DYNC2H1: variants seen among roughly 807,000 people sequenced by gnomAD.
DYNC2H1 encodes dynein cytoplasmic 2 heavy chain 1, also known as cytoplasmic dynein 2 heavy chain 1.
Under a neutral mutation model 570.0 loss-of-function variants are expected in DYNC2H1, and 410 were observed. The ratio of observed to expected loss-of-function variants is 0.72; its 90% confidence interval spans 0.66 to 0.78. The LOEUF (loss-of-function observed/expected upper bound fraction) is 0.78, where lower values mean the gene tolerates loss of function less well. DYNC2H1 is among the 30% of genes least tolerant of loss of function. DYNC2H1 has a pLI of 0.00. For missense variants in DYNC2H1, 4,865 were observed against 5,046.4 expected (o/e 0.96, Z 1.09); for synonymous variants, 1,688 against 1,677.6 (o/e 1.01, Z -0.15).
intron 84 of DYNC2H1, chr11:103,403,312 AGGGG>A (rs1565567231): frequency 1.3e-5 from 2 of 152,148 alleles, no homozygotes; most frequent in African/African-American, 4.8e-5. Context: ...TTTTTTGTGT[AGGGG>A]GTGTGTAATA....
At chr11:103,115,115 T>G (rs954060368) in intron 3 of DYNC2H1, 62 bp from the exon 4 acceptor site, 2 of 1,267,222 alleles carry the variant, frequency 1.6e-6, no homozygotes, top group Non-Finnish European at 2.2e-6. Context: ...CTCTGCTGTT[T>G]TGTATTCATT....
At chr11:103,130,066 CA>C (rs1345424972) in intron 13 of DYNC2H1, among the ~76,000 whole-genome samples, 1 of 152,162 alleles carries the variant, frequency 6.6e-6, no homozygotes, top group Non-Finnish European at 1.5e-5. Context: ...AGTCTTCTCC[CA>C]GTGGAATCAC....
intron 74 of DYNC2H1, among the ~76,000 whole-genome samples, chr11:103,286,996 A>T (rs1206231497): frequency 3.9e-5 from 6 of 152,222 alleles, no homozygotes; most frequent in Non-Finnish European, 1.5e-5. Flanking sequence ...AACATCTAGG[A>T]ATATCATAGA....
intron 22 of DYNC2H1, among the ~76,000 whole-genome samples, chr11:103,153,996 A>G (rs906584567): frequency 2.6e-5 from 4 of 151,858 alleles, no homozygotes; most frequent in African/African-American, 9.7e-5. Context: ...GAGTGAGTCA[A>G]TTTTGTTACC....
chr11:103,345,429 A>G (rs1365936360), intron 82 of DYNC2H1, among the ~76,000 whole-genome samples: 7 of 152,202 alleles, frequency 4.6e-5, no homozygotes, highest in South Asian at 2.1e-4. Context: ...CTAATTCACT[A>G]TTGTGCGAAC....
rs764785064 is a variant in DYNC2H1, at chr11:103,307,730, A to G, written c.11392A>G (p.Thr3798Ala). 3 of 1,579,484 alleles carry G rather than the reference A, an allele frequency of 1.9e-6. No homozygotes were observed. The highest frequency in any genetic ancestry group is 2.4e-5 in the South Asian group (2 of 83,778). The change falls in exon 78 of 89, where the codon ACT (threonine) becomes GCT (alanine). Residue 3798 changes from threonine (T) to alanine (A), a missense_variant. By Grantham distance (58) the Thr-to-Ala change is moderately conservative. This residue lies in a region of DYNC2H1 where 2,401 missense variants were observed against 2,454.6 expected (regional missense o/e 0.98). Transcript: ENST00000375735. ...WLPVLEKELN[T>A]LQPKDTFRLW... ...TGGTTTTGTAAACAAGGAATTGAATACTCTTCAACCTAAAGATACCTTTCG... is the reference window on the plus strand; with the variant it reads ...TGGTTTTGTAAACAAGGAATTGAATGCTCTTCAACCTAAAGATACCTTTCG...
At chr11:103,453,053 T>C (rs1434546982) in intron 85 of DYNC2H1, among the ~76,000 whole-genome samples, 2 of 152,032 alleles carry the variant, frequency 1.3e-5, no homozygotes, top group Non-Finnish European at 2.9e-5. Context: ...CATTTAGCTG[T>C]TCAATTCTAT....
intron 75 of DYNC2H1, among the ~76,000 whole-genome samples, chr11:103,288,684 T>TAAA (rs57040929): frequency 0.015 from 431 of 27,890 alleles, 33 homozygotes; most frequent in African/African-American, 0.031. Flanking sequence ...CCGTCTCTAC[T>TAAA]AAAAAAAAAA....
Position 103,177,566 on chromosome 11 carries a change from C to T in DYNC2H1, c.5885C>T (p.Ala1962Val). The change falls in exon 38 of 89, where the codon GCT (alanine) becomes GTT (valine). Residue 1962 changes from alanine to valine, a missense_variant. Coordinates refer to ENST00000375735, the MANE Select transcript of DYNC2H1 (RefSeq NM_001377.3). This position sits in a 1 kb window ranked among gnomAD's most constrained non-coding sequence, Gnocchi z 4.4. ...YEIIPNQIKK[A>V]LELYEQLCQR... ...TTTCTTTCCTACTAGATCAAAAAGG[C>T]TTTAGAATTGTATGAACAGTTATGC... 6.2e-7 allele frequency: 1 copy of T among 1,605,422 alleles called. No homozygotes were observed. The highest frequency in any genetic ancestry group is 8.5e-7 in the Non-Finnish European group (1 of 1,177,484).
intron 87 of DYNC2H1, among the ~76,000 whole-genome samples, chr11:103,462,392 GTTGTTTTC>G (rs202079279): frequency 0.021 from 2,955 of 141,666 alleles, 40 homozygotes; most frequent in Admixed American, 0.03. Context: ...GCACACACGT[GTTGTTTTC>G]TTGTTTTTAG....
chr11:103,329,210 T>C (rs550809562), intron 82 of DYNC2H1, among the ~76,000 whole-genome samples: 2 of 151,906 alleles, frequency 1.3e-5, no homozygotes, highest in East Asian at 3.9e-4. Flanking sequence ...TACTTGAAGA[T>C]GGGAAAATCT....
At chr11:103,161,189 G>A in intron 29 of DYNC2H1, 145 bp downstream of exon 29, 1 of 447,908 alleles carries the variant, frequency 2.2e-6, no homozygotes, top group Non-Finnish European at 4.0e-6. Context: ...AAAATGATTT[G>A]TTTTGTTAGT....
chr11:103,217,918 A>G (rs1863445306), intron 55 of DYNC2H1, among the ~76,000 whole-genome samples: 1 of 152,236 alleles, frequency 6.6e-6, no homozygotes. Context: ...TGAGCAGGCC[A>G]TTTATGAAAG....
chr11:103,241,916 C>T lies in DYNC2H1; in HGVS notation c.9820-1777C>T, dbSNP rs902652220. 7.2e-5 allele frequency among the ~76,000 whole-genome samples: 11 copies of T among 151,970 alleles called. No individual in the cohort carries two copies. The highest frequency in any genetic ancestry group is 1.0e-4 in the Non-Finnish European group (7 of 67,984). Reference sequence around the variant, plus strand: ...AAGTCGTTCTTCTCTTTAATATCACCGTGTGCTAGCAATTGTAAACAGCAT... The same window carrying T: ...AAGTCGTTCTTCTCTTTAATATCACTGTGTGCTAGCAATTGTAAACAGCAT... On this transcript the variant is annotated intron_variant, in intron 63 of 88. Coordinates refer to ENST00000375735, the MANE Select transcript of DYNC2H1 (RefSeq NM_001377.3). This position sits in a 1 kb window ranked among gnomAD's most constrained non-coding sequence, Gnocchi z 5.1.
At chr11:103,335,478 G>GGGGGAAACCATA (rs111562901) in intron 82 of DYNC2H1, among the ~76,000 whole-genome samples, 1 of 151,690 alleles carries the variant, frequency 6.6e-6, no homozygotes, top group Non-Finnish European at 1.5e-5. Flanking sequence ...ATGTTTGGTT[G>GGGGGAAACCATA]GCTTCTGGCC....
In DYNC2H1 at chr11:103,294,852, G is replaced by A. The variant is rs370726312; in HGVS notation, c.11095+7247G>A. On this transcript the variant is annotated intron_variant, in intron 75 of 88. Coordinates refer to ENST00000375735, the MANE Select transcript of DYNC2H1 (RefSeq NM_001377.3). ...TTGAAACATCAACTAAGGAGCAAAG[G>A]CCTGGAATCATAGGCTTCAGGAATC... Among the ~76,000 whole-genome samples the A allele has an allele frequency of 2.0e-4, 30 of 152,296 alleles. No homozygotes were observed. In the South Asian group the frequency reaches 5.6e-3, roughly 28 times the overall value.
chr11:103,357,088 A>T (rs1940385140), intron 82 of DYNC2H1, among the ~76,000 whole-genome samples: 1 of 152,176 alleles, frequency 6.6e-6, no homozygotes, highest in South Asian at 2.1e-4. Context: ...CAATATATAC[A>T]TCATTGATTT....
intron 83 of DYNC2H1, among the ~76,000 whole-genome samples, chr11:103,372,746 G>A (rs879515410): frequency 3.3e-5 from 5 of 152,070 alleles, no homozygotes; most frequent in Non-Finnish European, 5.9e-5. Context: ...TCACAATCAT[G>A]CTGGCTTTGT....
intron 70 of DYNC2H1, among the ~76,000 whole-genome samples, chr11:103,260,681 G>A (rs756420018): frequency 3.3e-4 from 49 of 150,376 alleles, no homozygotes; most frequent in Non-Finnish European, 4.4e-4. Context: ...GTGCAGTGGC[G>A]AAGTCTTGGC....
Sources: allele counts gnomAD v4.1 joint callset (sites outside exome capture counted in the v4.1 genomes callset), GRCh38; gene constraint gnomAD v4.1.1; regional missense constraint gnomAD v4.1.1; non-coding constraint Gnocchi (gnomAD v3.1); transcripts MANE v1.5; gene names NCBI Gene and HGNC (gene_info 2026-07-23, HGNC 2026-07-21).